The following ZDHHC18 variants were observed in gnomAD, a reference collection of about 807,000 sequenced individuals.
ZDHHC18 encodes palmitoyltransferase ZDHHC18.
Under a neutral mutation model 37.5 loss-of-function variants are expected in ZDHHC18, and 23 were observed. That is an observed-to-expected ratio of 0.61 (90% CI 0.44 to 0.87). ZDHHC18 has a LOEUF of 0.87. Among genes scored for constraint, ZDHHC18 ranks in the 40% least tolerant of loss-of-function variants. ZDHHC18 has a pLI of 0.00. For missense variants in ZDHHC18, 406 were observed against 525.6 expected, an observed-to-expected ratio of 0.77 and a Z score of 2.22; for synonymous variants, 185 against 218.7, an observed-to-expected ratio of 0.85 and a Z score of 1.36.
At chr1:26,842,572 A>G (rs935927168) in intron 2 of ZDHHC18, among the ~76,000 whole-genome samples, 1 of 152,244 alleles carries the variant, frequency 6.6e-6, no homozygotes, top group South Asian at 2.1e-4. Flanking sequence ...ATTTGACTTC[A>G]GCCTTACACA....
chr1:26,849,094 A>G (rs977369714), intron 3 of ZDHHC18, among the ~76,000 whole-genome samples: 2 of 152,200 alleles, frequency 1.3e-5, no homozygotes, highest in Non-Finnish European at 2.9e-5. Context: ...GAACAATAAC[A>G]TTCCAGATGT....
intron 2 of ZDHHC18, among the ~76,000 whole-genome samples, chr1:26,835,615 C>T (rs527691016): frequency 5.9e-5 from 9 of 152,274 alleles, no homozygotes; most frequent in African/African-American, 1.9e-4. Flanking sequence ...GCAGAATAAT[C>T]GCTTGAACCA....
chr1:26,840,136 G>A (rs1284378668), intron 2 of ZDHHC18, among the ~76,000 whole-genome samples: 2 of 152,168 alleles, frequency 1.3e-5, no homozygotes, highest in Non-Finnish European at 2.9e-5. Flanking sequence ...TCCCTGTCCT[G>A]GGGAGAGGCT....
chr1:26,848,303 ACT>A (rs1005384573), intron 2 of ZDHHC18, among the ~76,000 whole-genome samples: 9 of 149,910 alleles, frequency 6.0e-5, no homozygotes, highest in African/African-American at 2.0e-4. Flanking sequence ...ACAGAGTGAG[ACT>A]CTGCCTCAGG....
At chr1:26,849,030 C>G (rs1354524402) in intron 3 of ZDHHC18, among the ~76,000 whole-genome samples, 1 of 152,190 alleles carries the variant, frequency 6.6e-6, no homozygotes, top group Non-Finnish European at 1.5e-5. Flanking sequence ...TTGAACCCTT[C>G]TCCCAGGCTT....
At chr1:26,849,882 C>T (rs2081693207) in intron 3 of ZDHHC18, among the ~76,000 whole-genome samples, 3 of 152,182 alleles carry the variant, frequency 2.0e-5, no homozygotes, top group Admixed American at 1.3e-4. Flanking sequence ...GTAAGACCAG[C>T]ACAGCCCCCC....
chr1:26,837,868 C>T (rs556439393), intron 2 of ZDHHC18, among the ~76,000 whole-genome samples: 6 of 152,312 alleles, frequency 3.9e-5, no homozygotes, highest in Non-Finnish European at 8.8e-5. Context: ...TGGTCCCTGG[C>T]ACCCCCAGCC....
At chr1:26,832,188 A>C (rs934806221) in intron 1 of ZDHHC18, 2 of 466,044 alleles carry the variant, frequency 4.3e-6, no homozygotes, top group Non-Finnish European at 3.9e-6. Flanking sequence ...AGAGGTTAGG[A>C]GTGCTGGGAT....
chr1:26,850,206 GGGTA>G lies in ZDHHC18; in HGVS notation c.647-92_647-89del. 3 of 1,491,748 alleles carry G rather than the reference GGGTA, an allele frequency of 2.0e-6. No individual in the cohort carries two copies. Among genetic ancestry groups the G allele is most frequent in the Non-Finnish European group, 1.8e-6 (2 of 1,101,542 alleles). The allele number at this position is 1,491,748 out of a possible 1,614,324, so 92.4% of individuals were successfully genotyped here. ...CCAGCTGGTGCTGCGAGAGTGAACG[GGGTA>G]GGAAAGCCCCAGCCATGGGTGAGGC... On this transcript the variant is annotated intron_variant, in intron 3 of 7. Transcript: ENST00000374142. This position sits in a 1 kb window ranked among gnomAD's most constrained non-coding sequence, Gnocchi z 6.1.
At chr1:26,846,922 G>T (rs1316726794) in intron 2 of ZDHHC18, among the ~76,000 whole-genome samples, 3 of 149,612 alleles carry the variant, frequency 2.0e-5, no homozygotes, top group Admixed American at 2.0e-4. Context: ...TCGAGACAGA[G>T]TCTCCCACCG....
In ZDHHC18 at chr1:26,826,970, G is replaced by T; in HGVS notation, c.166G>T (p.Gly56Cys). The change falls in exon 1 of 8, where the codon GGC becomes TGC. Residue 56 changes from glycine to cysteine, a missense_variant. Coordinates refer to ENST00000374142, the MANE Select transcript of ZDHHC18 (RefSeq NM_032283.3). The surrounding 1 kb of genome is among the most constrained non-coding windows in gnomAD (Gnocchi z 5.2). ...CTGGAGCAGCAGCGGCAGCGGCAGC[G>T]GCAGCGGGAGCGGGAGCCTCGGCCG... ...PRWSSSGSGS[G>C]SGSGSLGRRP... 2 of 1,218,814 alleles carry T rather than the reference G, an allele frequency of 1.6e-6. No individual in the cohort carries two copies. The highest frequency in any genetic ancestry group is 2.0e-6 in the Non-Finnish European group (2 of 979,724). The allele number at this position is 1,218,814 out of a possible 1,614,324, so 75.5% of individuals were successfully genotyped here.
chr1:26,841,633 T>C (rs991717984), intron 2 of ZDHHC18, among the ~76,000 whole-genome samples: 2 of 151,326 alleles, frequency 1.3e-5, no homozygotes, highest in Non-Finnish European at 2.9e-5. Flanking sequence ...GGATTAGGGG[T>C]TTGGTTTGGA....
intron 2 of ZDHHC18, among the ~76,000 whole-genome samples, chr1:26,837,602 C>A (rs898017297): frequency 2.6e-5 from 4 of 151,808 alleles, no homozygotes; most frequent in Admixed American, 2.6e-4. Context: ...GCCTCAGCCT[C>A]CCAAGTAGCT....
chr1:26,830,673 C>T (rs890314435), intron 1 of ZDHHC18, among the ~76,000 whole-genome samples: 1 of 152,146 alleles, frequency 6.6e-6, no homozygotes, highest in Non-Finnish European at 1.5e-5. Context: ...CCGGGTACGT[C>T]CTTGGTGCCA....
intron 1 of ZDHHC18, among the ~76,000 whole-genome samples, chr1:26,829,196 G>C (rs188261484): frequency 6.6e-6 from 1 of 152,276 alleles, no homozygotes; most frequent in Admixed American, 6.5e-5. Flanking sequence ...CTGGGAAAAG[G>C]TAAGGTGCTC....
rs779857299 is a variant in ZDHHC18, at chr1:26,848,682, C to T, written c.571C>T (p.Leu191=). 2 of 1,614,186 alleles carry T rather than the reference C, an allele frequency of 1.2e-6. No individual in the cohort carries two copies. The highest frequency in any genetic ancestry group is 4.5e-5 in the East Asian group (2 of 44,884). Residue 191 remains leucine (L), a synonymous_variant, in exon 3 of 8, where the codon CTG becomes TTG. Coordinates refer to ENST00000374142, the MANE Select transcript of ZDHHC18 (RefSeq NM_032283.3). ...GCTGATCAACGGGCAGATGGTGAAG[C>T]TGAAGTACTGCTTCACCTGCAAGAT... ...EVLINGQMVK[L]KYCFTCKMFR... is the part of the protein sequence containing the mutation.
At chr1:26,848,387 G>A (rs560946197) in intron 2 of ZDHHC18, among the ~76,000 whole-genome samples, 1 of 152,024 alleles carries the variant, frequency 6.6e-6, no homozygotes, top group African/African-American at 2.4e-5. Flanking sequence ...AGTGGGTAAG[G>A]CCGGCAGGTG....
intron 2 of ZDHHC18, among the ~76,000 whole-genome samples, chr1:26,838,818 A>G (rs893053100): frequency 6.6e-6 from 1 of 152,226 alleles, no homozygotes; most frequent in Non-Finnish European, 1.5e-5. Context: ...CTGTATCCAC[A>G]GGCCTAGCAC....
chr1:26,844,022 C>T (rs920019959), intron 2 of ZDHHC18, among the ~76,000 whole-genome samples: 1 of 152,062 alleles, frequency 6.6e-6, no homozygotes, highest in African/African-American at 2.4e-5. Context: ...TGTCTGGCTT[C>T]CTCACTTTAC....
Sources: gnomAD v4.1 joint callset for allele counts (sites outside exome capture counted in the v4.1 genomes callset) on GRCh38, gnomAD v4.1.1 for gene constraint, Gnocchi (gnomAD v3.1) non-coding constraint, MANE v1.5 for transcripts, NCBI Gene and HGNC (gene_info 2026-07-23, HGNC 2026-07-21) for gene names.